Variants in COX7B2 observed in about 807,000 individuals in gnomAD.
COX7B2 encodes the protein cytochrome c oxidase subunit 7B2, also known as cytochrome c oxidase subunit 7B2, mitochondrial.
For synonymous variants in COX7B2, 37 were observed against 32.1 expected, an observed-to-expected ratio of 1.15 and a Z score of -0.51; for missense variants, 109 against 95.9, an observed-to-expected ratio of 1.14 and a Z score of -0.57.
chr4:46,740,155 A>G (rs770185444), intron 2 of COX7B2, among the ~76,000 whole-genome samples: 49 of 152,150 alleles, frequency 3.2e-4, no homozygotes, highest in Middle Eastern at 3.4e-3. Context: ...GGTTAATGCA[A>G]AAAGAATGGA....
At chr4:46,775,457 A>T (rs1284995507) in intron 2 of COX7B2, among the ~76,000 whole-genome samples, 4 of 152,260 alleles carry the variant, frequency 2.6e-5, no homozygotes, top group Admixed American at 2.6e-4. Context: ...CCTGAAGTAT[A>T]TGACACATTA....
At chr4:46,793,490 G>A (rs1413297541) in intron 2 of COX7B2, among the ~76,000 whole-genome samples, 1 of 152,170 alleles carries the variant, frequency 6.6e-6, no homozygotes, top group Non-Finnish European at 1.5e-5. Flanking sequence ...CTCCTGCTCT[G>A]TCACAAGGAA....
At position 46,836,347 on chromosome 4, in the gene COX7B2, TA is replaced by T. The variant is rs869060557; in HGVS notation, c.-50+8612del. Among the ~76,000 whole-genome samples, 72 of 151,974 alleles carry T rather than the reference TA, an allele frequency of 4.7e-4. 1 individual carries two copies. The highest frequency in any genetic ancestry group is 1.7e-3 in the African/African-American group (70 of 41,452). On this transcript the variant is annotated intron_variant, in intron 2 of 2. Coordinates refer to ENST00000355591, the MANE Select transcript of COX7B2 (RefSeq NM_130902.3). ...TATTCTATACGTTTTTTTCTCTATT[TA>T]AAAAATTTTTTTTTTATATTTTTTT...
At chr4:46,825,717 G>T (rs1363506449) in intron 2 of COX7B2, among the ~76,000 whole-genome samples, 1 of 152,004 alleles carries the variant, frequency 6.6e-6, no homozygotes, top group Non-Finnish European at 1.5e-5. Context: ...AGAGAGCCCA[G>T]AAATAAGGCC....
At chr4:46,783,648 A>C (rs80233147) in intron 2 of COX7B2, among the ~76,000 whole-genome samples, 1,714 of 152,328 alleles carry the variant, frequency 0.011, 14 homozygotes, top group Non-Finnish European at 0.02. Flanking sequence ...TTCCTAAGGA[A>C]AACTCACACA....
intron 2 of COX7B2, among the ~76,000 whole-genome samples, chr4:46,797,691 T>C (rs1182512306): frequency 6.6e-6 from 1 of 152,172 alleles, no homozygotes; most frequent in Non-Finnish European, 1.5e-5. Context: ...CACATCTCCA[T>C]TCAACTTGGC....
In COX7B2 at chr4:46,880,993, T is replaced by TAAAAAAAA. The variant is rs1215385422; in HGVS notation, c.-105+28159_-105+28166dup. 1.3e-3 allele frequency among the ~76,000 whole-genome samples: 130 copies of TAAAAAAAA among 102,806 alleles called. 3 individuals carry two copies. Among genetic ancestry groups the TAAAAAAAA allele is most frequent in the African/African-American group, 3.9e-3 (108 of 28,008 alleles). The allele number at this position is 102,806 out of a possible 152,430, so 67.4% of individuals were successfully genotyped here. On this transcript the variant is annotated intron_variant, in intron 1 of 2. Coordinates refer to ENST00000355591, the MANE Select transcript of COX7B2 (RefSeq NM_130902.3). ...ATGTACCCTAAAACTTAGAGTATAATAAAAAAAAAAAAAAAAAACTCTTGG... is the reference window on the plus strand; with the variant it reads ...ATGTACCCTAAAACTTAGAGTATAATAAAAAAAAAAAAAAAAAAAAAAAAAACTCTTGG...
rs1308450950 is a variant in COX7B2 at position 46,907,847 on chromosome 4, A to ATTTTTTTTTTTTTTT, written c.-105+1312_-105+1313insAAAAAAAAAAAAAAA. On this transcript the variant is annotated intron_variant, in intron 1 of 2. Transcript: ENST00000355591. ...ATATAAAAGATCAGAATTTGAGCAG[A>ATTTTTTTTTTTTTTT]CTTTTTTTTTTTTTTTTTTTTTTTT... is the stretch of plus-strand genomic sequence containing the variant. Among the ~76,000 whole-genome samples the ATTTTTTTTTTTTTTT allele has an allele frequency of 3.0e-5, 2 of 67,236 alleles. 1 individual carries two copies. Among genetic ancestry groups the ATTTTTTTTTTTTTTT allele is most frequent in the African/African-American group, 1.0e-4 (2 of 19,582 alleles). The allele number at this position is 67,236 out of a possible 152,430, so 44.1% of individuals were successfully genotyped here.
chr4:46,776,048 T>C (rs1717136620), intron 2 of COX7B2, among the ~76,000 whole-genome samples: 2 of 152,122 alleles, frequency 1.3e-5, no homozygotes, highest in Admixed American at 1.3e-4. Flanking sequence ...AATGCTCCTG[T>C]GCCCTGAAGA....
chr4:46,835,583 T>A (rs1715460929), intron 2 of COX7B2, among the ~76,000 whole-genome samples: 1 of 152,128 alleles, frequency 6.6e-6, no homozygotes, highest in Admixed American at 6.6e-5. Context: ...TGGAAAAAAC[T>A]GCGTAAGATA....
intron 2 of COX7B2, among the ~76,000 whole-genome samples, chr4:46,813,604 A>C (rs1719397965): frequency 6.6e-6 from 1 of 152,230 alleles, no homozygotes; most frequent in South Asian, 2.1e-4. Context: ...TACCTAATTC[A>C]TGCTGGGCTT....
intron 1 of COX7B2, among the ~76,000 whole-genome samples, chr4:46,876,454 G>A (rs1718341916): frequency 2.8e-5 from 4 of 142,342 alleles, no homozygotes. Flanking sequence ...CGCCCAGGCT[G>A]GAGTGCAGTG....
chr4:46,799,897 T>A (rs1406268156), intron 2 of COX7B2, among the ~76,000 whole-genome samples: 1 of 152,118 alleles, frequency 6.6e-6, no homozygotes, highest in Non-Finnish European at 1.5e-5. Context: ...TATCCTCAAT[T>A]TTTGGAATAA....
chr4:46,787,186 G>A (rs578161831), intron 2 of COX7B2, among the ~76,000 whole-genome samples: 6 of 152,284 alleles, frequency 3.9e-5, no homozygotes, highest in Middle Eastern at 3.4e-3. Flanking sequence ...GGTGGCTCAC[G>A]CCTGTAATCC....
intron 2 of COX7B2, among the ~76,000 whole-genome samples, chr4:46,799,812 A>AT (rs1303292556): frequency 6.6e-6 from 1 of 151,902 alleles, no homozygotes; most frequent in South Asian, 2.1e-4. Flanking sequence ...CTGAAGTTTT[A>AT]TTTTTTCATT....
chr4:46,804,361 T>C (rs1718859059), intron 2 of COX7B2, among the ~76,000 whole-genome samples: 1 of 152,184 alleles, frequency 6.6e-6, no homozygotes, highest in African/African-American at 2.4e-5. Flanking sequence ...TTTATTCTCT[T>C]ATCTGGCTCC....
chr4:46,840,044 A>G (rs1422633967), intron 2 of COX7B2, among the ~76,000 whole-genome samples: 1 of 152,002 alleles, frequency 6.6e-6, no homozygotes, highest in African/African-American at 2.4e-5. Flanking sequence ...TTCTCTTAGT[A>G]GTGAAAAATC....
At chr4:46,802,959 A>G (rs1167987259) in intron 2 of COX7B2, among the ~76,000 whole-genome samples, 1 of 152,182 alleles carries the variant, frequency 6.6e-6, no homozygotes, top group Non-Finnish European at 1.5e-5. Context: ...AAGAAGTCCT[A>G]CGTTCCACTC....
At chr4:46,823,255 T>C (rs1714433083) in intron 2 of COX7B2, among the ~76,000 whole-genome samples, 1 of 151,868 alleles carries the variant, frequency 6.6e-6, no homozygotes, top group African/African-American at 2.4e-5. Context: ...AATAAAAGCC[T>C]TGATCTGTAG....
Sources: gnomAD v4.1 joint callset for allele counts (sites outside exome capture counted in the v4.1 genomes callset) on GRCh38, gnomAD v4.1.1 for gene constraint, MANE v1.5 for transcripts, NCBI Gene and HGNC (gene_info 2026-07-23, HGNC 2026-07-21) for gene names.